Variants in TLL2 observed in about 807,000 individuals in gnomAD.
TLL2 encodes the protein tolloid-like protein 2.
A neutral mutation model predicts 123.0 loss-of-function variants in TLL2; 106 were observed. That is an observed-to-expected ratio of 0.86 (90% confidence interval 0.74 to 1.01). The LOEUF is 1.01. Among genes scored for constraint, TLL2 ranks in the 50% least tolerant of loss-of-function variants. The pLI, the probability that TLL2 is intolerant of heterozygous loss-of-function variation, is 0.00. For missense variants in TLL2, 1,332 were observed against 1,336.7 expected (o/e 1.00, Z 0.06); for synonymous variants, 494 against 516.8 (o/e 0.96, Z 0.60).
intron 12 of TLL2, 27 bp from the exon 13 acceptor site, chr10:96,395,409 G>A: frequency 6.5e-7 from 1 of 1,541,852 alleles, no homozygotes; most frequent in East Asian, 2.3e-5. Flanking sequence ...AGGCAAGGTG[G>A]ATGGCAGATG....
chr10:96,437,565 T>C (rs2134083330), intron 3 of TLL2, among the ~76,000 whole-genome samples: 1 of 152,284 alleles, frequency 6.6e-6, no homozygotes, highest in East Asian at 1.9e-4. Context: ...CTTTCCTCCA[T>C]CCATTCCAAA....
At chr10:96,414,968 A>G (rs1226630010) in intron 7 of TLL2, among the ~76,000 whole-genome samples, 1 of 152,132 alleles carries the variant, frequency 6.6e-6, no homozygotes, top group Non-Finnish European at 1.5e-5. Context: ...TCTTTCCAGT[A>G]GCTTCTTAAC....
intron 5 of TLL2, among the ~76,000 whole-genome samples, chr10:96,425,661 G>T (rs1490253282): frequency 2.0e-5 from 3 of 151,864 alleles, no homozygotes; most frequent in Admixed American, 1.3e-4. Context: ...CATGTATAAA[G>T]AAAAGCAGTC....
intron 19 of TLL2, among the ~76,000 whole-genome samples, chr10:96,371,854 C>A (rs558198153): frequency 6.6e-6 from 1 of 152,318 alleles, no homozygotes; most frequent in East Asian, 1.9e-4. Context: ...CTGATTGCCA[C>A]AGCTTTTCTT....
chr10:96,403,910 A>G (rs7896495), intron 10 of TLL2, among the ~76,000 whole-genome samples: 74,646 of 150,552 alleles, frequency 0.5, 18,996 homozygotes, highest in African/African-American at 0.56. Flanking sequence ...CCACTGAGAT[A>G]TTTGGGTGGA....
chr10:96,395,306 C>T lies in TLL2; in HGVS notation c.1607G>A (p.Gly536Asp). 1 of 1,613,968 alleles carries T rather than the reference C, an allele frequency of 6.2e-7. No individual in the cohort carries two copies. ...CGGCTTCTCATAGCCACAAAAGTGG[C>T]CGATCAGGGCACTCTCTTCCGTGGG... ...DGPTEESALIGHFCGYEKPED... is the reference protein window; with the variant it reads ...DGPTEESALIDHFCGYEKPED... Residue 536 changes from glycine to aspartate, a missense_variant, in exon 13 of 21, where the codon GGC becomes GAC. Transcript: ENST00000357947.
chr10:96,473,958 C>A (rs555359805), intron 2 of TLL2, among the ~76,000 whole-genome samples: 1 of 152,232 alleles, frequency 6.6e-6, no homozygotes, highest in South Asian at 2.1e-4. Context: ...ACTCTCGTAT[C>A]GAAAAGGGTG....
chr10:96,372,456 T>TGGGC (rs1846092900), intron 19 of TLL2, among the ~76,000 whole-genome samples: 2 of 152,170 alleles, frequency 1.3e-5, no homozygotes, highest in African/African-American at 4.8e-5. Flanking sequence ...TTTGCTTCTG[T>TGGGC]GGGCACTAGT....
chr10:96,397,597 T>C (rs771176272), intron 10 of TLL2, among the ~76,000 whole-genome samples: 7 of 152,192 alleles, frequency 4.6e-5, no homozygotes, highest in Non-Finnish European at 1.0e-4. Context: ...TTGCTGAGGC[T>C]CTGAAGGTGA....
At chr10:96,501,577 A>T (rs555123434) in intron 1 of TLL2, among the ~76,000 whole-genome samples, 1 of 152,368 alleles carries the variant, frequency 6.6e-6, no homozygotes, top group South Asian at 2.1e-4. Context: ...CACTGTTCCA[A>T]GCTTATTTCA....
rs1392101184 is a variant in TLL2, at chr10:96,376,713, AGTCGAAGAGAT to A, written c.2416_2426del (p.Ile806CysfsTer10). On this transcript the variant is annotated frameshift_variant, in exon 18 of 21. Transcript: ENST00000357947. LOFTEE classifies it high-confidence loss of function. ...TCACGAGTTTCACTCTGTGGCCTGC[AGTCGAAGAGAT>A]GTTCCAGGTACACTCCCTCCGGCTG... 2 of 1,610,070 alleles carry A rather than the reference AGTCGAAGAGAT, an allele frequency of 1.2e-6. No individual in the cohort carries two copies. The highest frequency in any genetic ancestry group is 2.7e-5 in the African/African-American group (2 of 74,538).
intron 2 of TLL2, among the ~76,000 whole-genome samples, chr10:96,450,485 C>T (rs1177742458): frequency 6.6e-6 from 1 of 152,096 alleles, no homozygotes; most frequent in Non-Finnish European, 1.5e-5. Flanking sequence ...ATGGTACAGC[C>T]AAGGTTTAGA....
intron 10 of TLL2, 119 bp downstream of exon 10, chr10:96,405,113 A>G: frequency 1.1e-6 from 1 of 881,318 alleles, no homozygotes; most frequent in South Asian, 1.6e-5. Context: ...GAGTTTTACA[A>G]TGACAGAGGC....
intron 2 of TLL2, among the ~76,000 whole-genome samples, chr10:96,460,264 C>T (rs982929332): frequency 9.9e-5 from 15 of 152,132 alleles, no homozygotes; most frequent in African/African-American, 3.1e-4. Flanking sequence ...GGGAAATTGG[C>T]AAACACTTCA....
intron 3 of TLL2, among the ~76,000 whole-genome samples, chr10:96,443,509 A>G (rs1038370778): frequency 8.5e-5 from 13 of 152,222 alleles, no homozygotes; most frequent in Non-Finnish European, 1.3e-4. Context: ...TGCTAGATAA[A>G]TTCAGTCAAG....
chr10:96,395,332 G>A lies in TLL2; in HGVS notation c.1581C>T (p.Gly527=), dbSNP rs1203139575. Residue 527 remains glycine (G), a synonymous_variant, in exon 13 of 21, where the codon GGC becomes GGT. Coordinates refer to ENST00000357947, the MANE Select transcript of TLL2 (RefSeq NM_012465.4). ...CGATCAGGGCACTCTCTTCCGTGGG[G>A]CCATCCCGGACTTCCAGGTAGTCAT... ...CAYDYLEVRD[G]PTEESALIGH... 6.2e-7 allele frequency: 1 copy of A among 1,612,364 alleles called. No individual in the cohort carries two copies. Among genetic ancestry groups the A allele is most frequent in the East Asian group, 2.2e-5 (1 of 44,828 alleles).
chr10:96,455,048 A>C (rs1289906704), intron 2 of TLL2, among the ~76,000 whole-genome samples: 1 of 152,054 alleles, frequency 6.6e-6, no homozygotes, highest in Non-Finnish European at 1.5e-5. Context: ...TGCCCATAAC[A>C]ATGTGAGATA....
intron 1 of TLL2, among the ~76,000 whole-genome samples, chr10:96,511,541 A>G (rs1454428440): frequency 6.6e-6 from 1 of 152,212 alleles, no homozygotes; most frequent in African/African-American, 2.4e-5. Flanking sequence ...TGTGCATCCC[A>G]TTCTGTCTGT....
chr10:96,391,901 A>G (rs570003382), intron 13 of TLL2, among the ~76,000 whole-genome samples: 1 of 152,358 alleles, frequency 6.6e-6, no homozygotes, highest in African/African-American at 2.4e-5. Flanking sequence ...ACACTTTGAC[A>G]GGCATCTGAA....
Sources: gnomAD v4.1 joint callset for allele counts (sites outside exome capture counted in the v4.1 genomes callset) on GRCh38, gnomAD v4.1.1 for gene constraint, MANE v1.5 for transcripts, NCBI Gene and HGNC (gene_info 2026-07-23, HGNC 2026-07-21) for gene names.